PLEKHM3: variants seen among roughly 807,000 people sequenced by gnomAD.
The protein encoded by PLEKHM3 is pleckstrin homology domain-containing family M member 3.
In PLEKHM3, 45 loss-of-function variants were observed where a neutral mutation model predicts 81.8. The ratio of observed to expected loss-of-function variants is 0.55; its 90% CI spans 0.43 to 0.71. PLEKHM3 has a LOEUF of 0.71. Among genes scored for constraint, PLEKHM3 ranks in the 30% least tolerant of loss-of-function variants. PLEKHM3 has a pLI of 0.00. For synonymous variants in PLEKHM3, 352 were observed against 356.4 expected, an observed-to-expected ratio of 0.99 and a Z score of 0.14; for missense variants, 788 against 924.3, an observed-to-expected ratio of 0.85 and a Z score of 1.91.
chr2:207,972,000 T>G (rs935545124), intron 3 of PLEKHM3, among the ~76,000 whole-genome samples: 4 of 152,262 alleles, frequency 2.6e-5, no homozygotes, highest in Admixed American at 6.5e-5. Flanking sequence ...TCTAACCCAA[T>G]GCATGGGCGT....
chr2:207,954,452 T>TAG (rs1388487722), intron 3 of PLEKHM3, among the ~76,000 whole-genome samples: 1 of 152,044 alleles, frequency 6.6e-6, no homozygotes, highest in Admixed American at 6.6e-5. Context: ...ACATTATATC[T>TAG]AGAGAGAGAG....
intron 6 of PLEKHM3, among the ~76,000 whole-genome samples, chr2:207,884,494 T>C (rs1396313551): frequency 6.6e-6 from 1 of 152,202 alleles, no homozygotes; most frequent in Non-Finnish European, 1.5e-5. Context: ...TAAATATATT[T>C]TGAACAAGAC....
intron 2 of PLEKHM3, among the ~76,000 whole-genome samples, chr2:207,994,435 G>A (rs1220651445): frequency 6.6e-6 from 1 of 152,126 alleles, no homozygotes; most frequent in African/African-American, 2.4e-5. Context: ...AGTACAGACA[G>A]TAGTGAAGAG....
At chr2:207,868,629 T>C (rs2092515764) in intron 6 of PLEKHM3, 1 of 152,340 alleles carries the variant, frequency 6.6e-6, no homozygotes, top group South Asian at 2.1e-4. Flanking sequence ...GCATCGAATA[T>C]AGTTTCTGAC....
Position 207,931,105 on chromosome 2 carries a change from G to A in PLEKHM3, c.1707C>T (p.Ala569=). The A allele has an allele frequency of 1.9e-6, 3 of 1,611,724 alleles. No individual in the cohort carries two copies. Among genetic ancestry groups the A allele is most frequent in the Middle Eastern group, 3.3e-4 (2 of 6,044 alleles). ...CGTACACGTACTCCAGAAACTCCTT[G>A]GCCTGCTTCGACACCTACAAAACAA... ...DTSKYKVSKQ[A]KEFLEYVYEE... The change falls in exon 5 of 8, where the codon GCC becomes GCT. Residue 569 remains alanine, a synonymous_variant. Coordinates refer to ENST00000427836, the MANE Select transcript of PLEKHM3 (RefSeq NM_001080475.3).
At chr2:207,961,893 G>A (rs979464631) in intron 3 of PLEKHM3, among the ~76,000 whole-genome samples, 5 of 152,140 alleles carry the variant, frequency 3.3e-5, no homozygotes, top group South Asian at 2.1e-4. Flanking sequence ...TTCTGTGGGG[G>A]GAAATTACAC....
At position 207,957,307 on chromosome 2, in the gene PLEKHM3, T is replaced by C. The variant is rs577616163; in HGVS notation, c.1547-10795A>G. Among the ~76,000 whole-genome samples, 176 of 152,360 alleles carry C rather than the reference T, an allele frequency of 1.2e-3. 1 individual carries two copies. Among genetic ancestry groups the C allele is most frequent in the African/African-American group, 4.1e-3 (172 of 41,592 alleles). Reference sequence around the variant, plus strand: ...GTTAGTTGCTACTGAAAGCATTTGATATACTTGATATCAAATGATGGTTGG... The same window carrying C: ...GTTAGTTGCTACTGAAAGCATTTGACATACTTGATATCAAATGATGGTTGG... On this transcript the variant is annotated intron_variant, in intron 3 of 7. Coordinates refer to ENST00000427836, the MANE Select transcript of PLEKHM3 (RefSeq NM_001080475.3).
At chr2:207,999,626 G>GA (rs1332058931) in intron 2 of PLEKHM3, among the ~76,000 whole-genome samples, 1 of 151,970 alleles carries the variant, frequency 6.6e-6, no homozygotes, top group Non-Finnish European at 1.5e-5. Context: ...TTTAAAAGAA[G>GA]AAAAAATACA....
At chr2:207,911,237 C>T (rs1688800880) in intron 5 of PLEKHM3, among the ~76,000 whole-genome samples, 1 of 152,166 alleles carries the variant, frequency 6.6e-6, no homozygotes. Flanking sequence ...TGTTTACCTA[C>T]AATCTAGAAC....
chr2:208,011,889 C>T (rs1233982343), intron 1 of PLEKHM3, among the ~76,000 whole-genome samples: 1 of 146,464 alleles, frequency 6.8e-6, no homozygotes, highest in East Asian at 2.0e-4. Flanking sequence ...CCTCTGCCTC[C>T]TAGGTTCAAG....
intron 1 of PLEKHM3, among the ~76,000 whole-genome samples, chr2:208,011,441 C>A (rs1692688779): frequency 6.6e-6 from 1 of 152,030 alleles, no homozygotes; most frequent in African/African-American, 2.4e-5. Flanking sequence ...AAAAAGGAAT[C>A]AATTAATGGC....
chr2:207,944,004 C>T (rs1690036432), intron 4 of PLEKHM3, among the ~76,000 whole-genome samples: 1 of 151,408 alleles, frequency 6.6e-6, no homozygotes, highest in Non-Finnish European at 1.5e-5. Flanking sequence ...ATTTTAGTAG[C>T]AAAACTGGAG....
chr2:207,902,350 G>A (rs1688458997), intron 6 of PLEKHM3, among the ~76,000 whole-genome samples: 1 of 152,168 alleles, frequency 6.6e-6, no homozygotes, highest in African/African-American at 2.4e-5. Context: ...TCACTTCCTT[G>A]AAGAAGAATT....
intron 7 of PLEKHM3, among the ~76,000 whole-genome samples, chr2:207,859,439 CT>C (rs1312737130): frequency 6.6e-6 from 1 of 151,140 alleles, no homozygotes; most frequent in Non-Finnish European, 1.5e-5. Flanking sequence ...CGCCCGGCTA[CT>C]TTTTTTCTTT....
intron 7 of PLEKHM3, among the ~76,000 whole-genome samples, chr2:207,834,736 T>G (rs1356049255): frequency 2.0e-5 from 3 of 151,778 alleles, no homozygotes; most frequent in Non-Finnish European, 4.4e-5. Context: ...GACTTTTCAA[T>G]TCTACCTAAA....
rs377202448 is a variant in PLEKHM3, at chr2:207,866,788, G to A, written c.1951-5526C>T. Among the ~76,000 whole-genome samples the A allele has an allele frequency of 3.3e-5, 5 of 152,042 alleles. No individual in the cohort carries two copies. The East Asian group carries it at 5.8e-4, about 18-fold the overall frequency. ...AGGCTTCACAGCTCAGATCTACCCT[G>A]TCTTGATCTAGAAAGCCATCTTTGG... On this transcript the variant is annotated intron_variant, in intron 6 of 7. Coordinates refer to ENST00000427836, the MANE Select transcript of PLEKHM3 (RefSeq NM_001080475.3).
At chr2:207,852,777 C>A in intron 7 of PLEKHM3, 1 of 444,424 alleles carries the variant, frequency 2.3e-6, no homozygotes, top group South Asian at 1.6e-5. Flanking sequence ...CAATGAAAAC[C>A]CAAACCTCAG....
At chr2:207,975,560 G>A (rs1349008263) in intron 3 of PLEKHM3, among the ~76,000 whole-genome samples, 1 of 149,656 alleles carries the variant, frequency 6.7e-6, no homozygotes, top group East Asian at 2.0e-4. Context: ...TATCTAGATC[G>A]GGTTCAGTGA....
chr2:207,827,764 A>T lies in PLEKHM3; in HGVS notation c.*555T>A, dbSNP rs2092259606. On this transcript the variant is annotated 3_prime_UTR_variant, in exon 8 of 8. Transcript: ENST00000427836. ...TTACGTGATTCCCCGCCTCCACAGG[A>T]GGAACTGAGGCGGGAGCGCCACGGA... The T allele has an allele frequency of 6.6e-6, 1 of 152,212 alleles. No individual in the cohort carries two copies. The highest frequency in any genetic ancestry group is 2.1e-4 in the South Asian group (1 of 4,830). The allele number at this position is 152,212 out of a possible 1,614,324, so 9.4% of individuals were successfully genotyped here. A position where few individuals can be genotyped will look rare whatever the true frequency, so the allele number is the denominator to read the frequency against.
Sources: gnomAD v4.1 joint callset for allele counts (sites outside exome capture counted in the v4.1 genomes callset) on GRCh38, gnomAD v4.1.1 for gene constraint, MANE v1.5 for transcripts, NCBI Gene and HGNC (gene_info 2026-07-23, HGNC 2026-07-21) for gene names.